DNAH11: variants seen among roughly 807,000 people sequenced by gnomAD.
DNAH11 encodes dynein axonemal heavy chain 11.
A neutral mutation model predicts 526.0 loss-of-function variants in DNAH11; 442 were observed. That is an observed-to-expected ratio of 0.84 (90% confidence interval 0.78 to 0.91). DNAH11 has a LOEUF of 0.91. Among genes scored for constraint, DNAH11 ranks in the 40% least tolerant of loss-of-function variants. The probability of loss-of-function intolerance (pLI) is 0.00; values close to 1 mark genes in which losing one functional copy is unlikely to be tolerated. For missense variants in DNAH11, 6,989 were observed against 5,448.7 expected, an observed-to-expected ratio of 1.28 and a Z score of -8.90; for synonymous variants, 2,461 against 1,935.9, an observed-to-expected ratio of 1.27 and a Z score of -7.12.
chr7:21,778,755 G>A (rs2127982373), intron 56 of DNAH11, among the ~76,000 whole-genome samples: 1 of 152,296 alleles, frequency 6.6e-6, no homozygotes, highest in Admixed American at 6.5e-5. Context: ...AAAATCATTG[G>A]AAAATATTAT....
rs144380336 is a variant in DNAH11, at chr7:21,608,237, G to T, written c.3852+1504G>T. On this transcript the variant is annotated intron_variant, in intron 20 of 81. Transcript: ENST00000409508. The stretch of plus-strand genomic sequence containing the variant: ...ATAGTTGACTATAAGAATGAATATG[G>T]TGGGCAAAGAATCCAAATGGTAAGT... Among the ~76,000 whole-genome samples the T allele has an allele frequency of 6.0e-3, 912 of 152,192 alleles. 9 individuals carry two copies. The highest frequency in any genetic ancestry group is 0.021 in the African/African-American group (864 of 41,506).
At chr7:21,736,481 G>C (rs904492297) in intron 46 of DNAH11, among the ~76,000 whole-genome samples, 45 of 152,192 alleles carry the variant, frequency 3.0e-4, no homozygotes, top group Admixed American at 1.3e-3. Flanking sequence ...CAGACTCTCT[G>C]ATATCCGGTT....
At chr7:21,694,841 C>G (rs1783781817) in intron 35 of DNAH11, among the ~76,000 whole-genome samples, 1 of 152,178 alleles carries the variant, frequency 6.6e-6, no homozygotes, top group East Asian at 1.9e-4. Context: ...TCCTATTTCT[C>G]CACGTTCTCG....
intron 9 of DNAH11, among the ~76,000 whole-genome samples, chr7:21,582,707 G>GA (rs1285729415): frequency 6.6e-6 from 1 of 151,900 alleles, no homozygotes; most frequent in East Asian, 1.9e-4. Context: ...GCTTGACAAA[G>GA]AAAAAAATCA....
intron 30 of DNAH11, among the ~76,000 whole-genome samples, chr7:21,661,912 C>T (rs1436270014): frequency 6.6e-6 from 1 of 151,926 alleles, no homozygotes; most frequent in Non-Finnish European, 1.5e-5. Context: ...CTCTACCTTC[C>T]AGGTCAAGCA....
intron 25 of DNAH11, among the ~76,000 whole-genome samples, chr7:21,634,029 G>C (rs1163411308): frequency 6.6e-6 from 1 of 152,118 alleles, no homozygotes; most frequent in African/African-American, 2.4e-5. Flanking sequence ...AAATTATAGT[G>C]TTAACATCTC....
chr7:21,753,341 C>T (rs1370542048), intron 54 of DNAH11, among the ~76,000 whole-genome samples: 1 of 152,136 alleles, frequency 6.6e-6, no homozygotes, highest in African/African-American at 2.4e-5. Context: ...CCTCCGGCTA[C>T]TAAGGAGTCT....
intron 28 of DNAH11, among the ~76,000 whole-genome samples, chr7:21,652,906 T>G (rs562038673): frequency 2.4e-4 from 36 of 152,298 alleles, no homozygotes; most frequent in African/African-American, 8.4e-4. Context: ...GATGGAGTTT[T>G]GCTGTTGTTG....
intron 54 of DNAH11, among the ~76,000 whole-genome samples, chr7:21,754,596 A>G (rs2128494203): frequency 6.6e-6 from 1 of 151,604 alleles, no homozygotes; most frequent in East Asian, 2.0e-4. Context: ...AGGACTATTA[A>G]TTGAATGACC....
intron 63 of DNAH11, 100 bp downstream of exon 63, chr7:21,808,149 T>A (rs1269167453): frequency 1.1e-6 from 1 of 951,754 alleles, no homozygotes; most frequent in Non-Finnish European, 1.4e-6. Flanking sequence ...ACGTCTGTAA[T>A]GAGAACTGAC....
intron 14 of DNAH11, among the ~76,000 whole-genome samples, chr7:21,597,090 T>A (rs1212126071): frequency 2.0e-5 from 3 of 151,928 alleles, no homozygotes. Flanking sequence ...GGAGTCAGAG[T>A]TAAAGATGGA....
intron 61 of DNAH11, 83 bp downstream of exon 61, chr7:21,789,425 A>G (rs1788337980): frequency 6.2e-6 from 5 of 806,908 alleles, no homozygotes; most frequent in Non-Finnish European, 9.8e-6. Context: ...AGACAGCACC[A>G]TATCTGAGCC....
intron 42 of DNAH11, 124 bp downstream of exon 42, chr7:21,711,984 G>GATAAAATCCTTCCA: frequency 1.7e-6 from 2 of 1,150,018 alleles, no homozygotes; most frequent in Non-Finnish European, 2.4e-6. Flanking sequence ...ATCTCTGGAA[G>GATAAAATCCTTCCA]GATTTTATCT....
intron 2 of DNAH11, among the ~76,000 whole-genome samples, chr7:21,550,188 C>T (rs907468028): frequency 6.6e-6 from 1 of 152,030 alleles, no homozygotes; most frequent in African/African-American, 2.4e-5. Context: ...AGTGAGTTCA[C>T]CCCAGTTTAG....
intron 35 of DNAH11, among the ~76,000 whole-genome samples, chr7:21,695,539 A>G (rs1408359556): frequency 2.0e-5 from 3 of 152,212 alleles, no homozygotes; most frequent in Non-Finnish European, 2.9e-5. Flanking sequence ...CTGGCTAGCC[A>G]TATGCAGAAA....
At chr7:21,775,575 C>A (rs537215508) in intron 56 of DNAH11, among the ~76,000 whole-genome samples, 1 of 150,922 alleles carries the variant, frequency 6.6e-6, no homozygotes, top group Non-Finnish European at 1.5e-5. Context: ...TTGAGTGGGT[C>A]ACTGAACTCC....
chr7:21,658,844 T>C lies in DNAH11; in HGVS notation c.5141T>C (p.Val1714Ala), dbSNP rs775475984. Residue 1714 changes from valine to alanine, a missense_variant, in exon 30 of 82, where the codon GTG becomes GCG. Physicochemically the swap from Val to Ala is moderately conservative, Grantham distance 64 (BLOSUM62 0). Coordinates refer to ENST00000409508, the MANE Select transcript of DNAH11 (RefSeq NM_001277115.2). ...CTTGAACAGACTATGCAAGAAACGG[T>C]GCGTCATTCTATAACAGAAGCCATA... The part of the protein sequence containing the change: ...LQLEQTMQET[V>A]RHSITEAIVA... 2 of 1,602,746 alleles carry C rather than the reference T, an allele frequency of 1.2e-6. No homozygotes were observed. Among genetic ancestry groups the C allele is most frequent in the South Asian group, 1.1e-5 (1 of 88,858 alleles).
rs750836344 is a variant in DNAH11, at chr7:21,561,968, C to T, written c.982+798C>T. 2.6e-5 allele frequency among the ~76,000 whole-genome samples: 4 copies of T among 152,166 alleles called. No individual in the cohort carries two copies. The South Asian group carries it at 8.3e-4, about 32-fold the overall frequency. On this transcript the variant is annotated intron_variant, in intron 5 of 81. Coordinates refer to ENST00000409508, the MANE Select transcript of DNAH11 (RefSeq NM_001277115.2). ...AATTCACTTCAAAAATGTTTTAATA[C>T]ATCTTTAGGGTTTTCTGCATGAATT...
At chr7:21,900,836 G>C in intron 81 of DNAH11, 171 bp from the exon 82 acceptor site, 1 of 1,103,972 alleles carries the variant, frequency 9.1e-7, no homozygotes, top group Non-Finnish European at 1.2e-6. Context: ...CTGCAGGCAG[G>C]GTAACCTACC....
Sources: gnomAD v4.1 joint callset for allele counts (sites outside exome capture counted in the v4.1 genomes callset) on GRCh38, gnomAD v4.1.1 for gene constraint, MANE v1.5 for transcripts, NCBI Gene and HGNC (gene_info 2026-07-23, HGNC 2026-07-21) for gene names.